Variants in SFSWAP observed in about 807,000 individuals in gnomAD.
The protein encoded by SFSWAP is splicing factor SWAP, also known as splicing factor, suppressor of white-apricot homolog.
In SFSWAP, 17 loss-of-function variants were observed where a neutral mutation model predicts 100.7. The observed-to-expected ratio is 0.17, with a 90% confidence interval of 0.12 to 0.25. The LOEUF (loss-of-function observed/expected upper bound fraction) is 0.25. Among genes scored for constraint, SFSWAP ranks in the 10% least tolerant of loss-of-function variants. SFSWAP has a pLI of 1.00. For synonymous variants in SFSWAP, 504 were observed against 510.1 expected, an observed-to-expected ratio of 0.99 and a Z score of 0.16; for missense variants, 1,005 against 1,262.6, an observed-to-expected ratio of 0.80 and a Z score of 3.09.
intron 13 of SFSWAP, among the ~76,000 whole-genome samples, chr12:131,777,643 C>T (rs1295456901): frequency 6.6e-6 from 1 of 152,200 alleles, no homozygotes. Context: ...ATTTACAATC[C>T]TTTGGGTATA....
At chr12:131,764,756 A>C (rs1882970053) in intron 12 of SFSWAP, 70 bp downstream of exon 12, 14 of 1,146,164 alleles carry the variant, frequency 1.2e-5, no homozygotes, top group Non-Finnish European at 1.7e-5. Flanking sequence ...CTGCTAAGCC[A>C]AAAAATCTCG....
At chr12:131,753,695 C>T (rs1881879865) in intron 8 of SFSWAP, among the ~76,000 whole-genome samples, 1 of 152,224 alleles carries the variant, frequency 6.6e-6, no homozygotes, top group African/African-American at 2.4e-5. Flanking sequence ...TGCAGTGAAG[C>T]TGCAGTTGTT....
chr12:131,748,115 G>A (rs1209084083), intron 7 of SFSWAP, among the ~76,000 whole-genome samples: 1 of 152,122 alleles, frequency 6.6e-6, no homozygotes, highest in Non-Finnish European at 1.5e-5. Context: ...ACATTTGCCT[G>A]GCTAAAACAC....
At chr12:131,770,721 G>T (rs1024264966) in intron 13 of SFSWAP, among the ~76,000 whole-genome samples, 2 of 152,162 alleles carry the variant, frequency 1.3e-5, no homozygotes, top group African/African-American at 4.8e-5. Flanking sequence ...CCATTTTACC[G>T]TTTTTAACTG....
chr12:131,749,675 A>T (rs1441274118), intron 7 of SFSWAP, among the ~76,000 whole-genome samples: 1 of 152,222 alleles, frequency 6.6e-6, no homozygotes, highest in African/African-American at 2.4e-5. Flanking sequence ...GCACTGAGGC[A>T]TTTTAGAAGC....
Position 131,751,618 on chromosome 12 carries a change from C to T in SFSWAP, c.1082-1505C>T, listed in dbSNP as rs576863906. 1.8e-3 allele frequency among the ~76,000 whole-genome samples: 278 copies of T among 152,390 alleles called. 2 individuals carry two copies. The highest frequency in any genetic ancestry group is 6.0e-3 in the African/African-American group (250 of 41,602). ...AGCAGCTCCCCCCTTCCAGGGATGA[C>T]GTTGTCTCTTACAGAAGCACATGCT... On this transcript the variant is annotated intron_variant, in intron 7 of 17. Transcript: ENST00000261674.
chr12:131,725,072 A>T lies in SFSWAP; in HGVS notation c.607-333A>T, dbSNP rs567135700. On this transcript the variant is annotated intron_variant, in intron 4 of 17. Coordinates refer to ENST00000261674, the MANE Select transcript of SFSWAP (RefSeq NM_004592.4). The surrounding 1 kb of genome is among the most constrained non-coding windows in gnomAD (Gnocchi z 4.3). ...AGAAAAGTGCTTGTTTGTAAAATTC[A>T]CATGCACAGAGGATTCACAAACCCC... Among the ~76,000 whole-genome samples, 1 of 152,346 alleles carries T rather than the reference A, an allele frequency of 6.6e-6. No individual in the cohort carries two copies. Among genetic ancestry groups the T allele is most frequent in the Non-Finnish European group, 1.5e-5 (1 of 68,030 alleles).
chr12:131,781,643 G>A (rs912562934), intron 14 of SFSWAP, among the ~76,000 whole-genome samples: 1 of 152,194 alleles, frequency 6.6e-6, no homozygotes, highest in African/African-American at 2.4e-5. Context: ...AGTTACCTGA[G>A]TGTGGTTTCC....
At chr12:131,795,945 C>T (rs1429654090) in intron 15 of SFSWAP, among the ~76,000 whole-genome samples, 4 of 141,920 alleles carry the variant, frequency 2.8e-5, no homozygotes, top group Admixed American at 2.1e-4. Context: ...CTGTCCTGCC[C>T]AGGCACCAGC....
intron 15 of SFSWAP, among the ~76,000 whole-genome samples, chr12:131,795,297 G>A (rs977060695): frequency 1.3e-5 from 2 of 152,136 alleles, no homozygotes; most frequent in Admixed American, 6.5e-5. Flanking sequence ...GGGTGGGAGC[G>A]CCACAGGTCT....
At position 131,714,986 on chromosome 12, in the gene SFSWAP, G is replaced by A. The variant is rs1384545252; in HGVS notation, c.520+33G>A. 9.9e-6 allele frequency: 16 copies of A among 1,612,210 alleles called. No individual in the cohort carries two copies. The South Asian group carries it at 1.5e-4, about 15-fold the overall frequency. On this transcript the variant is annotated intron_variant, in intron 3 of 17. Coordinates refer to ENST00000261674, the MANE Select transcript of SFSWAP (RefSeq NM_004592.4). The surrounding 1 kb of genome is among the most constrained non-coding windows in gnomAD (Gnocchi z 6.0). ...GGGAGCTGCCTGGACTGCTGGTGTA[G>A]GGCTACACGTGTACGCACAGGCTGC...
In SFSWAP at chr12:131,785,257, T is replaced by C. The variant is rs763060620; in HGVS notation, c.2409-1206T>C. 15 of 1,520,002 alleles carry C rather than the reference T, an allele frequency of 9.9e-6. No individual in the cohort carries two copies. In the South Asian group the frequency reaches 1.7e-4, roughly 17 times the overall value. 94.2% of individuals were successfully genotyped at this position (1,520,002 alleles called of 1,614,324 possible). On this transcript the variant is annotated intron_variant, in intron 14 of 17. Transcript: ENST00000261674. ...TCTAACTGACCTCGCCTTTATCATCTGTTCTGTAAATCTTAGGAAAGGTCT... is the reference window on the plus strand; with the variant it reads ...TCTAACTGACCTCGCCTTTATCATCCGTTCTGTAAATCTTAGGAAAGGTCT...
Position 131,793,092 on chromosome 12 carries a change from C to CT in SFSWAP, c.2535-4074dup, listed in dbSNP as rs555447552. On this transcript the variant is annotated intron_variant, in intron 15 of 17. Coordinates refer to ENST00000261674, the MANE Select transcript of SFSWAP (RefSeq NM_004592.4). Reference sequence around the variant, plus strand: ...AGTGAGGAAAAAGAGAAAGGAAAGTCTTTTTTTTTTTTGAGACAGGGTCTC... The same window carrying CT: ...AGTGAGGAAAAAGAGAAAGGAAAGTCTTTTTTTTTTTTTGAGACAGGGTCTC... Among the ~76,000 whole-genome samples, 249 of 146,234 alleles carry CT rather than the reference C, an allele frequency of 1.7e-3. 1 individual carries two copies. The highest frequency in any genetic ancestry group is 0.013 in the South Asian group (58 of 4,576).
intron 7 of SFSWAP, among the ~76,000 whole-genome samples, chr12:131,747,531 G>A (rs1483420364): frequency 6.6e-6 from 1 of 152,222 alleles, no homozygotes; most frequent in Non-Finnish European, 1.5e-5. Context: ...GTTGAGAGAG[G>A]TCGCCATGGG....
intron 11 of SFSWAP, 39 bp from the exon 12 acceptor site, chr12:131,764,417 T>C: frequency 6.4e-7 from 1 of 1,554,728 alleles, no homozygotes; most frequent in Non-Finnish European, 8.9e-7. Context: ...AGATTTCCAC[T>C]CTGTAACATG....
In SFSWAP at chr12:131,733,926, AC is replaced by A. The variant is rs1157283531; in HGVS notation, c.1081+5502del. Among the ~76,000 whole-genome samples the A allele has an allele frequency of 1.3e-5, 2 of 152,036 alleles. No individual in the cohort carries two copies. The highest frequency in any genetic ancestry group is 3.9e-4 in the East Asian group (2 of 5,144). ...GACTTACCTCCTAGATACAGACAAG[AC>A]CCCAAACACACACATGGGAGCCCTG... On this transcript the variant is annotated intron_variant, in intron 7 of 17. Transcript: ENST00000261674. This position sits in a 1 kb window ranked among gnomAD's most constrained non-coding sequence, Gnocchi z 5.1.
In SFSWAP at chr12:131,794,569, A is replaced by G. The variant is rs899880315; in HGVS notation, c.2535-2609A>G. Among the ~76,000 whole-genome samples, 3 of 152,110 alleles carry G rather than the reference A, an allele frequency of 2.0e-5. No individual in the cohort carries two copies. Among genetic ancestry groups the G allele is most frequent in the Admixed American group, 6.6e-5 (1 of 15,256 alleles). On this transcript the variant is annotated intron_variant, in intron 15 of 17. Transcript: ENST00000261674. The surrounding 1 kb of genome is among the most constrained non-coding windows in gnomAD (Gnocchi z 4.8). Reference sequence around the variant, plus strand: ...AGAAAACCAAGAAGCCAAACCAACAAACAAACACAGACATAGCGTGGGGTT... The same window carrying G: ...AGAAAACCAAGAAGCCAAACCAACAGACAAACACAGACATAGCGTGGGGTT...
At chr12:131,775,996 G>A (rs1250480909) in intron 13 of SFSWAP, among the ~76,000 whole-genome samples, 2 of 152,004 alleles carry the variant, frequency 1.3e-5, no homozygotes, top group Non-Finnish European at 2.9e-5. Context: ...CAGCTACTCA[G>A]GAGGCTGAGG....
At chr12:131,771,843 A>G (rs1359985994) in intron 13 of SFSWAP, among the ~76,000 whole-genome samples, 1 of 151,896 alleles carries the variant, frequency 6.6e-6, no homozygotes, top group Non-Finnish European at 1.5e-5. Flanking sequence ...TTGTATTTTT[A>G]GTAGAGACAG....
Sources: gnomAD v4.1 joint callset for allele counts (sites outside exome capture counted in the v4.1 genomes callset) on GRCh38, gnomAD v4.1.1 for gene constraint, Gnocchi (gnomAD v3.1) non-coding constraint, MANE v1.5 for transcripts, NCBI Gene and HGNC (gene_info 2026-07-23, HGNC 2026-07-21) for gene names.